Variants in METTL6 observed in about 807,000 individuals in gnomAD.
The protein encoded by METTL6 is methyltransferase 6, tRNA N3-cytidine.
A neutral mutation model predicts 26.4 loss-of-function variants in METTL6; 22 were observed. That is an observed-to-expected ratio of 0.83 (90% CI 0.59 to 1.19). The LOEUF (loss-of-function observed/expected upper bound fraction) is 1.19. Ranked by LOEUF, METTL6 falls within the 50% of genes most tolerant of loss-of-function variation. METTL6 has a pLI of 0.00. For missense variants in METTL6, 304 were observed against 324.8 expected, an observed-to-expected ratio of 0.94 and a Z score of 0.49; for synonymous variants, 109 against 116.2, an observed-to-expected ratio of 0.94 and a Z score of 0.40.
At chr3:15,401,178 T>C (rs1389209677) in intron 6 of METTL6, among the ~76,000 whole-genome samples, 1 of 152,112 alleles carries the variant, frequency 6.6e-6, no homozygotes, top group African/African-American at 2.4e-5. Context: ...TAGCTGGGAC[T>C]ACAGGCGCCC....
chr3:15,406,831 T>C (rs1408427554), downstream of METTL6, among the ~76,000 whole-genome samples: 1 of 151,748 alleles, frequency 6.6e-6, no homozygotes, highest in Non-Finnish European at 1.5e-5. Flanking sequence ...GATTTTGCCA[T>C]GTTGGCCAAG....
chr3:15,423,061 T>C (rs1305036608), intron 3 of METTL6, among the ~76,000 whole-genome samples: 1 of 151,924 alleles, frequency 6.6e-6, no homozygotes, highest in Non-Finnish European at 1.5e-5. Flanking sequence ...TGGAAAGAGG[T>C]ATGGGGTAGG....
At chr3:15,420,063 T>C (rs545360287) in intron 3 of METTL6, among the ~76,000 whole-genome samples, 16 of 152,194 alleles carry the variant, frequency 1.1e-4, no homozygotes, top group African/African-American at 3.9e-4. Flanking sequence ...GGTTTCACCA[T>C]ATTAACCAGG....
intron 6 of METTL6, among the ~76,000 whole-genome samples, chr3:15,401,536 C>CAAAAAAAA (rs35578326): frequency 1.1e-3 from 81 of 71,520 alleles, no homozygotes; most frequent in East Asian, 2.7e-3. Flanking sequence ...ATGTTCACGC[C>CAAAAAAAA]AAAAAAAAAA....
chr3:15,409,262 G>GA (rs1441097798), downstream of METTL6, among the ~76,000 whole-genome samples: 1 of 152,142 alleles, frequency 6.6e-6, no homozygotes, highest in African/African-American at 2.4e-5. Flanking sequence ...AGTTGGAGTT[G>GA]AAGGGCCCAG....
chr3:15,416,532 G>A (rs1700213774), intron 3 of METTL6, among the ~76,000 whole-genome samples: 1 of 152,164 alleles, frequency 6.6e-6, no homozygotes, highest in East Asian at 1.9e-4. Context: ...TGGGATTACA[G>A]GCATGAGCCA....
intron 4 of METTL6, among the ~76,000 whole-genome samples, chr3:15,415,262 T>C (rs951938472): frequency 2.6e-5 from 4 of 152,252 alleles, no homozygotes; most frequent in Non-Finnish European, 2.9e-5. Context: ...GGAATGTGAT[T>C]ATTATTCTCA....
rs951602059 is a variant in METTL6, at chr3:15,413,781, C to A, written c.673+240G>T. 5.5e-6 allele frequency: 8 copies of A among 1,450,542 alleles called. No homozygotes were observed. In the African/African-American group the frequency reaches 7.0e-5, roughly 13 times the overall value. 89.9% of individuals were successfully genotyped at this position (1,450,542 alleles called of 1,614,324 possible). The stretch of plus-strand genomic sequence containing the variant: ...ATCCACATGGCATGTCAGAGGCTGT[C>A]CATTAACCCAAGCTCATTAGGGGAG... On this transcript the variant is annotated intron_variant, in intron 5 of 5. Coordinates refer to ENST00000383790, the MANE Select transcript of METTL6 (RefSeq NM_152396.4).
At chr3:15,387,519 G>A (rs773291478) in intron 6 of METTL6, among the ~76,000 whole-genome samples, 6 of 152,200 alleles carry the variant, frequency 3.9e-5, no homozygotes, top group Non-Finnish European at 5.9e-5. Flanking sequence ...TCTGACAGTA[G>A]GGGCCAAGGG....
intron 6 of METTL6, among the ~76,000 whole-genome samples, chr3:15,393,831 A>G (rs1699414397): frequency 6.6e-6 from 1 of 152,236 alleles, no homozygotes; most frequent in Non-Finnish European, 1.5e-5. Flanking sequence ...CCAGCCTTGC[A>G]TCCCAGGGAT....
chr3:15,389,309 T>C (rs1351649611), intron 6 of METTL6, among the ~76,000 whole-genome samples: 1 of 152,180 alleles, frequency 6.6e-6, no homozygotes, highest in Admixed American at 6.6e-5. Context: ...TGAATAAGTC[T>C]GTTTAGGTGT....
chr3:15,404,067 T>C (rs1202508797), intron 6 of METTL6, among the ~76,000 whole-genome samples: 1 of 152,206 alleles, frequency 6.6e-6, no homozygotes, highest in African/African-American at 2.4e-5. Flanking sequence ...CTATATCTTA[T>C]GCTGACCTCC....
intron 6 of METTL6, among the ~76,000 whole-genome samples, chr3:15,395,944 A>C (rs967826661): frequency 6.6e-6 from 1 of 151,930 alleles, no homozygotes; most frequent in Admixed American, 6.6e-5. Flanking sequence ...CCTTCATTTC[A>C]ACTTTGGTGA....
intron 6 of METTL6, among the ~76,000 whole-genome samples, chr3:15,391,870 C>A (rs1197426932): frequency 6.6e-6 from 1 of 152,142 alleles, no homozygotes; most frequent in Non-Finnish European, 1.5e-5. Context: ...AGTGTATATG[C>A]ACCACATTTT....
At chr3:15,412,349 T>C (rs936001058) in intron 5 of METTL6, among the ~76,000 whole-genome samples, 1 of 152,234 alleles carries the variant, frequency 6.6e-6, no homozygotes, top group African/African-American at 2.4e-5. Context: ...ACTAAGAGCA[T>C]TGCTCCAGAG....
intron 6 of METTL6, among the ~76,000 whole-genome samples, chr3:15,387,144 C>A (rs957709312): frequency 1.3e-5 from 2 of 152,154 alleles, no homozygotes; most frequent in Non-Finnish European, 2.9e-5. Flanking sequence ...TTCTCTGGCA[C>A]TGGCTACAAC....
chr3:15,405,146 A>C (rs1168249981), downstream of METTL6, among the ~76,000 whole-genome samples: 1 of 152,234 alleles, frequency 6.6e-6, no homozygotes, highest in Non-Finnish European at 1.5e-5. Flanking sequence ...AGGAAAGTAC[A>C]AAGGGGTATT....
intron 6 of METTL6, among the ~76,000 whole-genome samples, chr3:15,392,578 A>G (rs1270005478): frequency 6.6e-6 from 1 of 152,166 alleles, no homozygotes; most frequent in Non-Finnish European, 1.5e-5. Context: ...GCCCGTGCCT[A>G]TGTCCTGAAT....
At chr3:15,414,210 A>G (rs2290537) in intron 4 of METTL6, 48 bp from the exon 5 acceptor site, 649,140 of 1,568,558 alleles carry the variant, frequency 0.41, 136,142 homozygotes, top group East Asian at 0.48. Flanking sequence ...ACCCTGTCAA[A>G]ATAAAACCTG....
Sources: allele counts gnomAD v4.1 joint callset (sites outside exome capture counted in the v4.1 genomes callset), GRCh38; gene constraint gnomAD v4.1.1; transcripts MANE v1.5; gene names NCBI Gene and HGNC (gene_info 2026-07-23, HGNC 2026-07-21).